Variants in ABLIM1 observed in about 807,000 individuals in gnomAD.
The protein encoded by ABLIM1 is actin binding LIM protein 1.
ABLIM1 carries 40 observed loss-of-function variants against 107.0 expected under a neutral mutation model. That is an observed-to-expected ratio of 0.37 (90% confidence interval 0.29 to 0.49). ABLIM1 has a LOEUF of 0.49. Ranked by LOEUF, ABLIM1 falls within the 20% of genes least tolerant of loss-of-function variation. The pLI is 0.97. For synonymous variants in ABLIM1, 357 were observed against 357.3 expected (o/e 1.00, Z 0.01); for missense variants, 857 against 1,008.5 (o/e 0.85, Z 2.04).
At chr10:114,625,606 A>G (rs1439207252) in intron 1 of ABLIM1, among the ~76,000 whole-genome samples, 4 of 152,178 alleles carry the variant, frequency 2.6e-5, no homozygotes, top group African/African-American at 9.7e-5. Flanking sequence ...TCTATAAGGA[A>G]GCCAAACTTG....
intron 1 of ABLIM1, among the ~76,000 whole-genome samples, chr10:114,722,464 GGGTGGAAACACAAATC>G (rs572733569): frequency 6.6e-6 from 1 of 152,228 alleles, no homozygotes; most frequent in South Asian, 2.1e-4. Context: ...AATGAGATTT[GGGTGGAAACACAAATC>G]CAACTATATC....
At position 114,476,908 on chromosome 10, in the gene ABLIM1, C is replaced by T. The variant is rs1590165048; in HGVS notation, c.1042-2952G>A. 2.6e-5 allele frequency among the ~76,000 whole-genome samples: 4 copies of T among 152,180 alleles called. No individual in the cohort carries two copies. In the South Asian group the frequency reaches 8.3e-4, roughly 32 times the overall value. ...CTCTTAAGTAGCAACCCAAGAATAT[C>T]GATGGCAACGAATGTCTACTGCCCA... On this transcript the variant is annotated intron_variant, in intron 8 of 22. Transcript: ENST00000533213.
At chr10:114,648,923 C>T (rs756806670) in intron 1 of ABLIM1, among the ~76,000 whole-genome samples, 83 of 151,562 alleles carry the variant, frequency 5.5e-4, no homozygotes, top group Non-Finnish European at 5.5e-4. Flanking sequence ...GAAAGTTTCA[C>T]CCGAGCTGAA....
At chr10:114,760,404 T>TCACACACA (rs3981296) in intron 1 of ABLIM1, among the ~76,000 whole-genome samples, 8 of 143,738 alleles carry the variant, frequency 5.6e-5, no homozygotes, top group South Asian at 2.4e-4. Flanking sequence ...AATTTCTCCT[T>TCACACACA]CACACACACA....
chr10:114,776,612 C>CAA, the ABLIM1 span, among the ~76,000 whole-genome samples: 1 of 148,496 alleles, frequency 6.7e-6, no homozygotes, highest in South Asian at 2.1e-4. Context: ...GACTTAGTCT[C>CAA]AAAAAAAAAA....
intron 6 of ABLIM1, among the ~76,000 whole-genome samples, chr10:114,497,681 CAAAAA>C (rs576676119): frequency 2.6e-5 from 2 of 75,590 alleles, no homozygotes; most frequent in African/African-American, 5.1e-5. Context: ...GATTCTGTCT[CAAAAA>C]AAAAAAAAAA....
chr10:114,761,983 G>GCTCTCTCTCT (rs144008972), intron 1 of ABLIM1, among the ~76,000 whole-genome samples: 149 of 145,712 alleles, frequency 1.0e-3, no homozygotes, highest in African/African-American at 3.5e-3. Flanking sequence ...TATCCCATAT[G>GCTCTCTCTCT]CTCTCTCTCT....
intron 6 of ABLIM1, among the ~76,000 whole-genome samples, chr10:114,542,046 C>T (rs931254274): frequency 3.9e-5 from 6 of 152,128 alleles, no homozygotes; most frequent in African/African-American, 7.2e-5. Flanking sequence ...GTGGGGACCA[C>T]GTTCAGTATT....
intron 1 of ABLIM1, among the ~76,000 whole-genome samples, chr10:114,616,073 G>A (rs752563074): frequency 2.0e-5 from 3 of 152,022 alleles, no homozygotes; most frequent in Non-Finnish European, 4.4e-5. Context: ...TGGCTCACAC[G>A]TGTAATCCCA....
At chr10:114,638,949 C>G (rs2078611288) in intron 1 of ABLIM1, among the ~76,000 whole-genome samples, 1 of 152,186 alleles carries the variant, frequency 6.6e-6, no homozygotes, top group African/African-American at 2.4e-5. Context: ...ATCATCCACC[C>G]TGTCTAATCA....
At chr10:114,759,760 A>G (rs544823025) in intron 1 of ABLIM1, among the ~76,000 whole-genome samples, 1 of 152,144 alleles carries the variant, frequency 6.6e-6, no homozygotes, top group Non-Finnish European at 1.5e-5. Flanking sequence ...CAAGGAATAC[A>G]CCGACACCAT....
the ABLIM1 span, among the ~76,000 whole-genome samples, chr10:114,794,990 C>G: frequency 1.3e-5 from 2 of 152,112 alleles, no homozygotes; most frequent in Non-Finnish European, 2.9e-5. Flanking sequence ...AAAGCTTGAA[C>G]ACACTTGAGA....
chr10:114,466,878 G>A (rs1045915496), intron 11 of ABLIM1, among the ~76,000 whole-genome samples: 2 of 152,190 alleles, frequency 1.3e-5, no homozygotes, highest in African/African-American at 4.8e-5. Flanking sequence ...TGACATACGG[G>A]CCAGGCACAG....
intron 4 of ABLIM1, among the ~76,000 whole-genome samples, chr10:114,554,762 T>C (rs889457376): frequency 6.6e-6 from 1 of 152,144 alleles, no homozygotes; most frequent in African/African-American, 2.4e-5. Context: ...AAAGTAGCAA[T>C]AGGGAAAAAT....
intron 7 of ABLIM1, among the ~76,000 whole-genome samples, chr10:114,490,830 GTTTTTT>G (rs986470660): frequency 1.4e-5 from 2 of 147,322 alleles, no homozygotes; most frequent in African/African-American, 5.0e-5. Context: ...TGTCTTTTTT[GTTTTTT>G]TTCTTCCTTT....
intron 1 of ABLIM1, chr10:114,632,146 C>G (rs1237218508): frequency 5.1e-6 from 5 of 985,394 alleles, no homozygotes; most frequent in Non-Finnish European, 6.0e-6. Context: ...GCCCGCCCGC[C>G]GAGCTGCAGC....
chr10:114,598,147 C>T (rs2075619245), intron 2 of ABLIM1, among the ~76,000 whole-genome samples: 1 of 151,458 alleles, frequency 6.6e-6, no homozygotes. Flanking sequence ...GGTGGCACAA[C>T]CCTGTAACCC....
intron 1 of ABLIM1, among the ~76,000 whole-genome samples, chr10:114,718,404 A>C (rs532900926): frequency 6.6e-6 from 1 of 152,286 alleles, no homozygotes; most frequent in African/African-American, 2.4e-5. Context: ...ACACCTTCCT[A>C]ATCACCTGCT....
In ABLIM1 at chr10:114,704,552, A is replaced by C. The variant is rs576199284; in HGVS notation, c.-213+63509T>G. On this transcript the variant is annotated intron_variant, in intron 1 of 15. Coordinates refer to the ABLIM1 transcript ENST00000651092. ...AATGCCCAGTTTCAAGCTTTCCTTA[A>C]ATTGGTTATAGCTCATTTATGCTTC... Among the ~76,000 whole-genome samples the C allele has an allele frequency of 2.2e-4, 32 of 144,266 alleles. 1 individual carries two copies. In the South Asian group the frequency reaches 6.4e-3, roughly 29 times the overall value. 94.6% of individuals were successfully genotyped at this position (144,266 alleles called of 152,430 possible).
Sources: allele counts gnomAD v4.1 joint callset (sites outside exome capture counted in the v4.1 genomes callset), GRCh38; gene constraint gnomAD v4.1.1; transcripts MANE v1.5; gene names NCBI Gene and HGNC (gene_info 2026-07-23, HGNC 2026-07-21).